The following PLB1 variants were observed in gnomAD, a reference collection of about 807,000 sequenced individuals.
PLB1 encodes phospholipase B1.
PLB1 carries 242 observed loss-of-function variants against 227.4 expected under a neutral mutation model. The ratio of observed to expected loss-of-function variants is 1.06; its 90% CI spans 0.96 to 1.18. PLB1 has a LOEUF of 1.18. Among genes scored for constraint, PLB1 ranks in the 50% most tolerant of loss-of-function variants. PLB1 has a pLI of 0.00. For synonymous variants in PLB1, 757 were observed against 682.2 expected (o/e 1.11, Z -1.71); for missense variants, 1,858 against 1,816.3 (o/e 1.02, Z -0.42).
chr2:28,517,029 G>A (rs865884845), intron 2 of PLB1, among the ~76,000 whole-genome samples, 160 bp downstream of exon 2: 19 of 152,202 alleles, frequency 1.2e-4, no homozygotes, highest in African/African-American at 4.3e-4. Context: ...GACAGCCGGG[G>A]TGTCCGGCAG....
At chr2:28,617,933 A>G (rs1686433142) in intron 45 of PLB1, 146 bp downstream of exon 45, 2 of 799,494 alleles carry the variant, frequency 2.5e-6, no homozygotes, top group Admixed American at 2.1e-5. Flanking sequence ...GCCTGCCGCC[A>G]CAGCTGGGCT....
Position 28,605,904 on chromosome 2 carries a change from C to A in PLB1, c.3013C>A (p.Gln1005Lys), listed in dbSNP as rs761306027. 2 of 1,613,940 alleles carry A rather than the reference C, an allele frequency of 1.2e-6. No individual in the cohort carries two copies. The highest frequency in any genetic ancestry group is 3.3e-5 in the Admixed American group (2 of 60,024). Residue 1005 changes from glutamine to lysine, a missense_variant, in exon 42 of 58, where the codon CAG becomes AAG. Coordinates refer to ENST00000327757, the MANE Select transcript of PLB1 (RefSeq NM_153021.5). ...FFAPDCIHPN[Q>K]KFHSQLARAL... ...TGCCCCAGACTGCATCCACCCAAAT[C>A]AGAAATTCCACTCCCAGCTGGCCAG... is the stretch of plus-strand genomic sequence containing the variant.
rs1368814123 is a variant in PLB1, at chr2:28,590,045, A to C, written c.2057A>C (p.Glu686Ala). ...CAGAAGACGACTCGTCATAAGTTTG[A>C]AAACAAGATCAATATCACATGTCCG... ...VGQKTTRHKF[E>A]NKINITCPNQ... is the part of the protein sequence containing the mutation. Residue 686 changes from glutamate to alanine, a missense_variant, in exon 29 of 58, where the codon GAA becomes GCA. Glu to Ala is a moderately radical substitution (Grantham distance 107, BLOSUM62 -1). Transcript: ENST00000327757. 6.2e-7 allele frequency: 1 copy of C among 1,613,758 alleles called. No homozygotes were observed. Among genetic ancestry groups the C allele is most frequent in the Non-Finnish European group, 8.5e-7 (1 of 1,179,692 alleles).
intron 1 of PLB1, 123 bp downstream of exon 1, chr2:28,496,292 A>G (rs1666426485): frequency 1.0e-6 from 1 of 992,164 alleles, no homozygotes. Flanking sequence ...CAAAGCGTAC[A>G]GTTCAAGAAT....
intron 4 of PLB1, 117 bp from the exon 5 acceptor site, chr2:28,525,150 C>T: frequency 1.1e-6 from 1 of 905,662 alleles, no homozygotes; most frequent in Non-Finnish European, 1.7e-6. Flanking sequence ...CAAGCCTGGG[C>T]TTGTAGGTTC....
At chr2:28,572,603 C>T (rs565577254) in intron 20 of PLB1, among the ~76,000 whole-genome samples, 1 of 152,322 alleles carries the variant, frequency 6.6e-6, no homozygotes, top group South Asian at 2.1e-4. Flanking sequence ...CATGCTACAA[C>T]ATGGGTGAAT....
rs1688510939 is a variant in PLB1 at position 28,630,777 on chromosome 2, A to T, written c.3897+113A>T. 3.8e-6 allele frequency: 3 copies of T among 784,048 alleles called. No individual in the cohort carries two copies. In the South Asian group the frequency reaches 5.7e-5, roughly 15 times the overall value. 48.6% of individuals were successfully genotyped at this position (784,048 alleles called of 1,614,324 possible). On this transcript the variant is annotated intron_variant, in intron 54 of 57. Transcript: ENST00000327757. ...GGCCAAGAGCAAGCCACTCCCTAAA[A>T]GCAGATTGCAGCCCCTGAAATACTT...
At chr2:28,606,741 G>A (rs933994047) in intron 43 of PLB1, among the ~76,000 whole-genome samples, 174 bp downstream of exon 43, 3 of 152,186 alleles carry the variant, frequency 2.0e-5, no homozygotes, top group Non-Finnish European at 2.9e-5. Context: ...AGGTGAGAGG[G>A]GAGACAAGAG....
rs770198954 is a variant in PLB1, at chr2:28,578,193, T to G, written c.1485+35T>G. The G allele has an allele frequency of 2.1e-5, 33 of 1,602,488 alleles. 1 individual carries two copies. The South Asian group carries it at 3.4e-4, about 17-fold the overall frequency. ...TGGGATGGGAAGTAGGCAGGAAAAATCCCTGGACACAGAGAAGATCAGCTG... is the reference window on the plus strand; with the variant it reads ...TGGGATGGGAAGTAGGCAGGAAAAAGCCCTGGACACAGAGAAGATCAGCTG... On this transcript the variant is annotated intron_variant, in intron 22 of 57. Transcript: ENST00000327757.
chr2:28,637,843 C>T (rs918939747), intron 56 of PLB1, among the ~76,000 whole-genome samples: 1 of 152,184 alleles, frequency 6.6e-6, no homozygotes, highest in Non-Finnish European at 1.5e-5. Context: ...CCAGGACAGG[C>T]CAGTGGCCCA....
chr2:28,604,643 A>G lies in PLB1; in HGVS notation c.2857-12A>G, dbSNP rs1277019823. 18 of 1,612,324 alleles carry G rather than the reference A, an allele frequency of 1.1e-5. No individual in the cohort carries two copies. Among genetic ancestry groups the G allele is most frequent in the East Asian group, 6.7e-5 (3 of 44,838 alleles). On this transcript the variant is annotated splice_polypyrimidine_tract_variant and intron_variant, in intron 40 of 57. Transcript: ENST00000327757. ...AGGGCCTGGGCTGAAGACCCTGTGCATGTGTCCCCAGAGCAGCATGCGCGA... is the reference window on the plus strand; with the variant it reads ...AGGGCCTGGGCTGAAGACCCTGTGCGTGTGTCCCCAGAGCAGCATGCGCGA...
At chr2:28,503,506 A>C (rs935786231) in intron 1 of PLB1, among the ~76,000 whole-genome samples, 12 of 152,122 alleles carry the variant, frequency 7.9e-5, no homozygotes, top group Non-Finnish European at 1.2e-4. Context: ...ACTACCCCCA[A>C]ATCTCAGTGA....
chr2:28,622,768 C>T (rs1046035288), intron 49 of PLB1, among the ~76,000 whole-genome samples: 4 of 152,160 alleles, frequency 2.6e-5, no homozygotes, highest in Non-Finnish European at 5.9e-5. Flanking sequence ...CGCCTGTAAT[C>T]CCAGCTACTC....
At chr2:28,520,672 A>AC (rs1669411739) in intron 4 of PLB1, among the ~76,000 whole-genome samples, 2 of 152,208 alleles carry the variant, frequency 1.3e-5, no homozygotes, top group Non-Finnish European at 2.9e-5. Context: ...AGTTCTAGGT[A>AC]CCTCATATAA....
chr2:28,516,463 G>T (rs1668861884), intron 1 of PLB1, among the ~76,000 whole-genome samples: 1 of 152,182 alleles, frequency 6.6e-6, no homozygotes, highest in African/African-American at 2.4e-5. Context: ...GTAACTGTTT[G>T]TCTGACATTA....
intron 26 of PLB1, among the ~76,000 whole-genome samples, chr2:28,587,506 A>AG (rs1558840538): frequency 6.6e-6 from 1 of 152,022 alleles, no homozygotes; most frequent in East Asian, 1.9e-4. Flanking sequence ...GCTACTCGGG[A>AG]GGCTGAGGTG....
intron 29 of PLB1, among the ~76,000 whole-genome samples, chr2:28,590,458 A>AAT (rs1681713842): frequency 6.6e-6 from 1 of 152,200 alleles, no homozygotes; most frequent in Admixed American, 6.5e-5. Flanking sequence ...CCTCCATGAC[A>AAT]ATATGGGTAG....
chr2:28,513,961 A>G (rs1668556572), intron 1 of PLB1, among the ~76,000 whole-genome samples: 1 of 152,244 alleles, frequency 6.6e-6, no homozygotes, highest in Non-Finnish European at 1.5e-5. Context: ...TAATCAAATG[A>G]GAGCATCTTT....
At chr2:28,592,242 C>G (rs768433564) in intron 31 of PLB1, among the ~76,000 whole-genome samples, 1 of 152,168 alleles carries the variant, frequency 6.6e-6, no homozygotes, top group Non-Finnish European at 1.5e-5. Flanking sequence ...ACGGGCTGCA[C>G]GTCAGGTCCT....
Sources: gnomAD v4.1 joint callset for allele counts (sites outside exome capture counted in the v4.1 genomes callset) on GRCh38, gnomAD v4.1.1 for gene constraint, MANE v1.5 for transcripts, NCBI Gene and HGNC (gene_info 2026-07-23, HGNC 2026-07-21) for gene names.